SLC8A3: variants seen among roughly 807,000 people sequenced by gnomAD.
SLC8A3 encodes sodium/calcium exchanger 3.
A neutral mutation model predicts 65.4 loss-of-function variants in SLC8A3; 37 were observed. The observed-to-expected ratio is 0.57, with a 90% CI of 0.44 to 0.74. The LOEUF (loss-of-function observed/expected upper bound fraction) is 0.74, where lower values mean the gene tolerates loss of function less well. Among genes scored for constraint, SLC8A3 ranks in the 30% least tolerant of loss-of-function variants. The pLI, the probability that SLC8A3 is intolerant of heterozygous loss-of-function variation, is 0.00. For synonymous variants in SLC8A3, 461 were observed against 444.5 expected, an observed-to-expected ratio of 1.04 and a Z score of -0.47; for missense variants, 1,112 against 1,172.1, an observed-to-expected ratio of 0.95 and a Z score of 0.75.
chr14:70,079,489 T>A (rs1890849781), intron 2 of SLC8A3, among the ~76,000 whole-genome samples: 1 of 151,242 alleles, frequency 6.6e-6, no homozygotes, highest in Non-Finnish European at 1.5e-5. Flanking sequence ...GGCGACAGAG[T>A]GAGACTCCAT....
chr14:70,110,388 A>T (rs1037531548), intron 2 of SLC8A3, among the ~76,000 whole-genome samples: 6 of 125,498 alleles, frequency 4.8e-5, no homozygotes, highest in Admixed American at 3.3e-4. Flanking sequence ...CTCTATGTCC[A>T]TAGGTTCAAC....
chr14:70,153,926 G>T (rs1051997784), intron 2 of SLC8A3, among the ~76,000 whole-genome samples: 1 of 152,202 alleles, frequency 6.6e-6, no homozygotes, highest in Non-Finnish European at 1.5e-5. Context: ...CCAGGCAGCC[G>T]GCCAAAGCAT....
At chr14:70,063,579 G>C (rs759799444) in intron 2 of SLC8A3, among the ~76,000 whole-genome samples, 1 of 152,156 alleles carries the variant, frequency 6.6e-6, no homozygotes, top group African/African-American at 2.4e-5. Flanking sequence ...CATCGGTCTT[G>C]AGCATCCCTC....
intron 1 of SLC8A3, among the ~76,000 whole-genome samples, chr14:70,174,871 T>G (rs900877390): frequency 2.0e-5 from 3 of 152,112 alleles, no homozygotes; most frequent in Admixed American, 2.0e-4. Flanking sequence ...AGCGCTCAGG[T>G]TGGTGGCTCT....
chr14:70,109,204 T>C (rs963256054), intron 2 of SLC8A3, among the ~76,000 whole-genome samples: 4 of 149,898 alleles, frequency 2.7e-5, no homozygotes, highest in African/African-American at 9.8e-5. Flanking sequence ...TTCTTTTTTT[T>C]TTTTTTCACT....
intron 1 of SLC8A3, among the ~76,000 whole-genome samples, chr14:70,181,063 T>C (rs1324976078): frequency 6.6e-6 from 1 of 152,182 alleles, no homozygotes; most frequent in African/African-American, 2.4e-5. Context: ...ACTCACAGAA[T>C]ACAGAATTGT....
intron 2 of SLC8A3, among the ~76,000 whole-genome samples, chr14:70,061,895 T>A (rs954879250): frequency 6.6e-6 from 1 of 151,922 alleles, no homozygotes; most frequent in Non-Finnish European, 1.5e-5. Flanking sequence ...AAACATAACA[T>A]CTTTTAAAAA....
At chr14:70,184,268 A>G (rs1883000591) in intron 1 of SLC8A3, among the ~76,000 whole-genome samples, 1 of 152,126 alleles carries the variant, frequency 6.6e-6, no homozygotes, top group Admixed American at 6.5e-5. Context: ...CAGTTTCAGT[A>G]TACTATCTAA....
At chr14:70,106,735 C>A (rs1177339620) in intron 2 of SLC8A3, among the ~76,000 whole-genome samples, 1 of 152,128 alleles carries the variant, frequency 6.6e-6, no homozygotes, top group African/African-American at 2.4e-5. Context: ...TTCTTTATTT[C>A]ATACCCTTTT....
chr14:70,148,822 T>C (rs1317310536), intron 2 of SLC8A3, among the ~76,000 whole-genome samples: 1 of 152,194 alleles, frequency 6.6e-6, no homozygotes, highest in East Asian at 1.9e-4. Context: ...CAACGTGTTC[T>C]ATAGGAAAGA....
chr14:70,142,315 T>A (rs1895632306), intron 2 of SLC8A3, among the ~76,000 whole-genome samples: 1 of 152,230 alleles, frequency 6.6e-6, no homozygotes, highest in South Asian at 2.1e-4. Context: ...AGACTGACTA[T>A]GATCGTTCAG....
chr14:70,081,935 C>T (rs1387012531), intron 2 of SLC8A3, among the ~76,000 whole-genome samples: 1 of 152,144 alleles, frequency 6.6e-6, no homozygotes, highest in Non-Finnish European at 1.5e-5. Flanking sequence ...TTCGGAGGAC[C>T]TTAGGATGCT....
intron 2 of SLC8A3, among the ~76,000 whole-genome samples, chr14:70,065,719 A>G (rs1889348979): frequency 6.6e-6 from 1 of 152,234 alleles, no homozygotes; most frequent in Admixed American, 6.5e-5. Flanking sequence ...AAGAGTAACA[A>G]CAATCCCAGT....
At chr14:70,164,652 G>A (rs1158587347) in intron 2 of SLC8A3, among the ~76,000 whole-genome samples, 1 of 152,154 alleles carries the variant, frequency 6.6e-6, no homozygotes, top group Non-Finnish European at 1.5e-5. Context: ...TTAATAGAAT[G>A]AACTAAGCCT....
At chr14:70,062,377 C>T (rs1194147913) in intron 2 of SLC8A3, among the ~76,000 whole-genome samples, 1 of 152,166 alleles carries the variant, frequency 6.6e-6, no homozygotes, top group Admixed American at 6.5e-5. Context: ...ACCACATCTA[C>T]AATAGTGGTC....
At chr14:70,105,143 C>T (rs113244042) in intron 2 of SLC8A3, among the ~76,000 whole-genome samples, 2,332 of 152,200 alleles carry the variant, frequency 0.015, 24 homozygotes, top group Non-Finnish European at 0.018. Flanking sequence ...TCCTGGCTAA[C>T]GTGGTGAAAC....
chr14:70,140,754 G>A (rs61978164), intron 2 of SLC8A3, among the ~76,000 whole-genome samples: 2 of 152,130 alleles, frequency 1.3e-5, no homozygotes, highest in African/African-American at 2.4e-5. Context: ...CAAGCTGCAC[G>A]CTTCTCCTTT....
At chr14:70,089,473 A>G (rs1244340303) in intron 2 of SLC8A3, among the ~76,000 whole-genome samples, 1 of 152,222 alleles carries the variant, frequency 6.6e-6, no homozygotes, top group Non-Finnish European at 1.5e-5. Flanking sequence ...TAAAAGATAA[A>G]TTTAAGGTTT....
At chr14:70,070,655 A>C (rs1366794139) in intron 2 of SLC8A3, among the ~76,000 whole-genome samples, 2 of 152,214 alleles carry the variant, frequency 1.3e-5, no homozygotes, top group African/African-American at 4.8e-5. Flanking sequence ...ACCACATACC[A>C]TTCCATCAGG....
Sources: allele counts gnomAD v4.1 joint callset (sites outside exome capture counted in the v4.1 genomes callset), GRCh38; gene constraint gnomAD v4.1.1; transcripts MANE v1.5; gene names NCBI Gene and HGNC (gene_info 2026-07-23, HGNC 2026-07-21).